Variants in TAF4B observed in about 807,000 individuals in gnomAD.
TAF4B encodes the protein transcription initiation factor TFIID subunit 4B.
Under a neutral mutation model 86.4 loss-of-function variants are expected in TAF4B, and 38 were observed. The observed-to-expected ratio is 0.44, with a 90% CI of 0.34 to 0.58. The LOEUF is 0.58. TAF4B is among the 20% of genes least tolerant of loss of function. TAF4B has a pLI of 0.02. For synonymous variants in TAF4B, 388 were observed against 391.2 expected, an observed-to-expected ratio of 0.99 and a Z score of 0.10; for missense variants, 988 against 1,027.6, an observed-to-expected ratio of 0.96 and a Z score of 0.53.
At chr18:26,387,510 ATAGT>A (rs1978443846) in intron 14 of TAF4B, among the ~76,000 whole-genome samples, 1 of 152,206 alleles carries the variant, frequency 6.6e-6, no homozygotes, top group South Asian at 2.1e-4. Context: ...ATAATTTACA[ATAGT>A]TAAAGTTACA....
chr18:26,278,613 G>A (rs2056410797), intron 5 of TAF4B, among the ~76,000 whole-genome samples: 1 of 73,404 alleles, frequency 1.4e-5, no homozygotes, highest in South Asian at 6.1e-4. Flanking sequence ...TTGGCCTTCT[G>A]TTGTTTTTTT....
chr18:26,360,874 G>A (rs1394590188), intron 14 of TAF4B, among the ~76,000 whole-genome samples: 1 of 152,186 alleles, frequency 6.6e-6, no homozygotes, highest in African/African-American at 2.4e-5. Context: ...TGTGTCTGCA[G>A]TGTCCTGAAT....
At chr18:26,389,561 A>G (rs755383411) in intron 14 of TAF4B, among the ~76,000 whole-genome samples, 18 of 152,258 alleles carry the variant, frequency 1.2e-4, no homozygotes, top group Non-Finnish European at 2.1e-4. Flanking sequence ...CCTGCAATGC[A>G]CTGGAAAGAA....
intron 13 of TAF4B, among the ~76,000 whole-genome samples, chr18:26,356,991 A>G (rs945056724): frequency 2.0e-5 from 3 of 152,152 alleles, no homozygotes; most frequent in African/African-American, 4.8e-5. Context: ...ACAGTACTAA[A>G]TCACTTTAGA....
chr18:26,241,613 C>A (rs2055840578), intron 1 of TAF4B, among the ~76,000 whole-genome samples: 1 of 152,054 alleles, frequency 6.6e-6, no homozygotes, highest in Non-Finnish European at 1.5e-5. Flanking sequence ...TTAGTTATTT[C>A]TTGCCTTCTG....
intron 9 of TAF4B, among the ~76,000 whole-genome samples, chr18:26,305,110 C>G (rs1459538165): frequency 6.6e-6 from 1 of 152,112 alleles, no homozygotes; most frequent in Non-Finnish European, 1.5e-5. Context: ...CTTTTGAATT[C>G]TAATGTATCC....
chr18:26,371,758 C>A (rs757568091), intron 14 of TAF4B, among the ~76,000 whole-genome samples: 10 of 152,072 alleles, frequency 6.6e-5, no homozygotes, highest in Admixed American at 1.3e-4. Context: ...TGATTATACT[C>A]CCGCAACTAG....
At chr18:26,315,148 C>CTCTT in intron 9 of TAF4B, 81 bp from the exon 10 acceptor site, 1 of 394,132 alleles carries the variant, frequency 2.5e-6, no homozygotes, top group Non-Finnish European at 3.8e-6. Context: ...CTCTCTCTGT[C>CTCTT]TCTCTCTCTC....
At chr18:26,271,389 G>T (rs1425900157) in intron 3 of TAF4B, among the ~76,000 whole-genome samples, 1 of 152,190 alleles carries the variant, frequency 6.6e-6, no homozygotes, top group Non-Finnish European at 1.5e-5. Context: ...TAAAGCAATT[G>T]CTGTTTCAGA....
At chr18:26,298,669 A>T (rs2056693751) in intron 9 of TAF4B, among the ~76,000 whole-genome samples, 1 of 151,982 alleles carries the variant, frequency 6.6e-6, no homozygotes, top group South Asian at 2.1e-4. Flanking sequence ...AGTAGCTAGG[A>T]CTACAGGTGT....
chr18:26,227,994 G>C (rs1477371445), intron 1 of TAF4B, among the ~76,000 whole-genome samples: 2 of 152,224 alleles, frequency 1.3e-5, no homozygotes, highest in Non-Finnish European at 2.9e-5. Context: ...ACGTGCCACA[G>C]TTGACAAACA....
chr18:26,250,426 G>T (rs2055988928), intron 1 of TAF4B, among the ~76,000 whole-genome samples: 1 of 151,858 alleles, frequency 6.6e-6, no homozygotes, highest in Non-Finnish European at 1.5e-5. Context: ...GAACCCGGGA[G>T]GCGGAGCTTG....
At chr18:26,227,628 C>T (rs1481692237) in intron 1 of TAF4B, among the ~76,000 whole-genome samples, 4 of 152,050 alleles carry the variant, frequency 2.6e-5, no homozygotes, top group Non-Finnish European at 4.4e-5. Flanking sequence ...TGTAGAAGTG[C>T]GTTGTACTTA....
chr18:26,337,569 C>T (rs1172241067), intron 13 of TAF4B, among the ~76,000 whole-genome samples: 5 of 151,662 alleles, frequency 3.3e-5, no homozygotes, highest in Non-Finnish European at 7.4e-5. Context: ...ATTACAGGCG[C>T]GTACCACCGC....
rs368959153 is a variant in TAF4B, at chr18:26,321,180, C to T, written c.2113C>T (p.His705Tyr). The T allele has an allele frequency of 8.7e-6, 14 of 1,613,604 alleles. No homozygotes were observed. In the African/African-American group the frequency reaches 1.2e-4, roughly 14 times the overall value. ...AGAAAAACTGACTGCAATTGCTCAG[C>T]ATCGAATGACTACTTACAAGGTAAA... ...LLEKLTAIAQ[H>Y]RMTTYKASEN... is the part of the protein sequence containing the mutation. Residue 705 changes from histidine to tyrosine, a missense_variant, in exon 11 of 15, where the codon CAT becomes TAT. This residue lies in a region of TAF4B where 216 missense variants were observed against 238.4 expected (regional missense o/e 0.91). Transcript: ENST00000269142.
intron 14 of TAF4B, among the ~76,000 whole-genome samples, chr18:26,387,468 C>T (rs372742346): frequency 9.9e-5 from 15 of 152,136 alleles, no homozygotes; most frequent in East Asian, 1.9e-4. Context: ...GGTCCCATTC[C>T]GCAAAAATCT....
At chr18:26,259,640 T>A (rs1332682655) in intron 1 of TAF4B, among the ~76,000 whole-genome samples, 1 of 152,226 alleles carries the variant, frequency 6.6e-6, no homozygotes, top group African/African-American at 2.4e-5. Context: ...TGCATAGTAT[T>A]CCATAGTGTA....
intron 13 of TAF4B, among the ~76,000 whole-genome samples, chr18:26,350,639 A>G (rs1371588054): frequency 6.6e-6 from 1 of 152,202 alleles, no homozygotes; most frequent in Non-Finnish European, 1.5e-5. Flanking sequence ...TCATGGTACT[A>G]CATACTATCA....
At chr18:26,250,534 G>A (rs1049484965) in intron 1 of TAF4B, among the ~76,000 whole-genome samples, 1 of 151,938 alleles carries the variant, frequency 6.6e-6, no homozygotes, top group Non-Finnish European at 1.5e-5. Flanking sequence ...TGTAGAGATG[G>A]GGTTTCACCA....
Sources: gnomAD v4.1 joint callset for allele counts (sites outside exome capture counted in the v4.1 genomes callset) on GRCh38, gnomAD v4.1.1 for gene constraint, gnomAD v4.1.1 regional missense constraint, MANE v1.5 for transcripts, NCBI Gene and HGNC (gene_info 2026-07-23, HGNC 2026-07-21) for gene names.